Variants in REXO1 observed in about 807,000 individuals in gnomAD.
The protein encoded by REXO1 is REX1, RNA exonuclease 1 homolog.
Under a neutral mutation model 102.6 loss-of-function variants are expected in REXO1, and 42 were observed. The observed-to-expected ratio is 0.41, with a 90% CI of 0.32 to 0.53. The LOEUF (loss-of-function observed/expected upper bound fraction) is 0.53. Among genes scored for constraint, REXO1 ranks in the 20% least tolerant of loss-of-function variants. REXO1 has a pLI of 0.27. For synonymous variants in REXO1, 908 were observed against 779.1 expected (o/e 1.17, Z -2.76); for missense variants, 1,819 against 1,732.5 (o/e 1.05, Z -0.89).
Position 1,817,759 on chromosome 19 carries a change from TG to T in REXO1, c.3037del (p.Gln1013SerfsTer33). ...GGCGGCAGCCGAGCAGCACATGTACTGGGTCTCCCAGCCTCCGGCCACTGCA... is the reference window on the plus strand; with the variant it reads ...GGCGGCAGCCGAGCAGCACATGTACTGGTCTCCCAGCCTCCGGCCACTGCA... ...RNRVAGGWETQYMCCSAAAGS... is the reference protein window; with the variant it reads ...RNRVAGGWETXYMCCSAAAGS... On this transcript the variant is annotated frameshift_variant, in exon 11 of 16. Transcript: ENST00000170168. LOFTEE classifies it high-confidence loss of function. 1 of 1,612,312 alleles carries T rather than the reference TG, an allele frequency of 6.2e-7. No individual in the cohort carries two copies.
rs749364854 is a variant in REXO1, at chr19:1,828,470, G to A, written c.319C>T (p.Arg107Trp). 2.9e-5 allele frequency: 47 copies of A among 1,606,362 alleles called. No individual in the cohort carries two copies. Among genetic ancestry groups the A allele is most frequent in the Non-Finnish European group, 3.5e-5 (41 of 1,179,726 alleles). ...AVRSEVELEQ[R>W]RYRELLETTR... ...GTCTCCAGCAGCTCCCGGTAGCGCC[G>A]CTGCTCCAGCTCCACCTCACTGCGC... The change falls in exon 2 of 16, where the codon CGG becomes TGG. Residue 107 changes from arginine (R) to tryptophan (W), a missense_variant. Arg to Trp is a moderately radical substitution (Grantham distance 101, BLOSUM62 -3). Coordinates refer to ENST00000170168, the MANE Select transcript of REXO1 (RefSeq NM_020695.4).
Position 1,828,363 on chromosome 19 carries a change from CTCGTCCGGGCCCACAGTG to C in REXO1, c.408_425del (p.Thr137_Glu142del), listed in dbSNP as rs770875004. 2.5e-6 allele frequency: 4 copies of C among 1,609,326 alleles called. No homozygotes were observed. The South Asian group carries it at 4.4e-5, about 18-fold the overall frequency. On this transcript the variant is annotated inframe_deletion, in exon 2 of 16. Transcript: ENST00000170168. ...AGTCGAAGGCCAGTGGGAAGGCATC[CTCGTCCGGGCCCACAGTG>C]GGGCTGGCGTTGGGGCCGCGGGGCG... is the stretch of plus-strand genomic sequence containing the variant.
rs1454452825 is a variant in REXO1 at position 1,826,084 on chromosome 19, G to C, written c.1912-141C>G. The C allele has an allele frequency of 1.6e-6, 1 of 633,566 alleles. No individual in the cohort carries two copies. The highest frequency in any genetic ancestry group is 2.8e-5 in the East Asian group (1 of 35,870). 39.2% of individuals were successfully genotyped at this position (633,566 alleles called of 1,614,324 possible). A position where few individuals can be genotyped will look rare whatever the true frequency, so the allele number is the denominator to read the frequency against. On this transcript the variant is annotated intron_variant, in intron 2 of 15. Transcript: ENST00000170168. This position sits in a 1 kb window ranked among gnomAD's most constrained non-coding sequence, Gnocchi z 4.3. Reference sequence around the variant, plus strand: ...AGCAGCTGAGGGCTCAGGGCCAACAGTCCCTGGGCTTTGTGTGGGTGCAGT... The same window carrying C: ...AGCAGCTGAGGGCTCAGGGCCAACACTCCCTGGGCTTTGTGTGGGTGCAGT...
chr19:1,820,743 A>G (rs1045726802), intron 5 of REXO1, among the ~76,000 whole-genome samples: 5 of 152,248 alleles, frequency 3.3e-5, no homozygotes, highest in South Asian at 2.1e-4. Context: ...CTATAATCCC[A>G]GCACTTTGGG....
chr19:1,818,196 T>G (rs1011086330), intron 10 of REXO1, among the ~76,000 whole-genome samples: 2 of 152,148 alleles, frequency 1.3e-5, no homozygotes, highest in Non-Finnish European at 2.9e-5. Context: ...ACCTCCACAT[T>G]TCCATGGACC....
At chr19:1,835,314 C>T (rs893363651) in intron 1 of REXO1, among the ~76,000 whole-genome samples, 33 of 151,994 alleles carry the variant, frequency 2.2e-4, no homozygotes, top group African/African-American at 7.3e-4. Flanking sequence ...GAGGCGGAGG[C>T]GGGAGGATCA....
intron 1 of REXO1, 133 bp downstream of exon 1, chr19:1,848,069 C>A (rs2011635006): frequency 4.7e-6 from 2 of 427,940 alleles, no homozygotes; most frequent in Non-Finnish European, 3.9e-6. Flanking sequence ...CCGGTCCCGA[C>A]TGGGAAAACC....
chr19:1,832,263 T>C (rs1007284559), intron 1 of REXO1, among the ~76,000 whole-genome samples: 1 of 152,220 alleles, frequency 6.6e-6, no homozygotes, highest in Admixed American at 6.5e-5. Context: ...GGCCCAGTCC[T>C]GCCCACAGCT....
Position 1,827,340 on chromosome 19 carries a change from C to T in REXO1, c.1449G>A (p.Lys483=), listed in dbSNP as rs757742726. 1.3e-6 allele frequency: 2 copies of T among 1,552,898 alleles called. No individual in the cohort carries two copies. The highest frequency in any genetic ancestry group is 2.4e-5 in the East Asian group (1 of 42,050). The part of the protein sequence containing the change: ...PPRPLQLPDR[K]STKAPSGKLV... ...GCTTCCCCGACGGGGCCTTGGTGCT[C>T]TTCCTGTCGGGCAGCTGGAGGGGGC... Residue 483 remains lysine (K), a synonymous_variant, in exon 2 of 16, where the codon AAG becomes AAA. Coordinates refer to ENST00000170168, the MANE Select transcript of REXO1 (RefSeq NM_020695.4).
chr19:1,845,187 C>T (rs755228063), intron 1 of REXO1, among the ~76,000 whole-genome samples: 1 of 152,220 alleles, frequency 6.6e-6, no homozygotes, highest in Non-Finnish European at 1.5e-5. Context: ...AGCCAAGGCC[C>T]AGGCAGCAGA....
chr19:1,831,902 G>T (rs1380460168), intron 1 of REXO1, among the ~76,000 whole-genome samples: 1 of 149,438 alleles, frequency 6.7e-6, no homozygotes, highest in Non-Finnish European at 1.5e-5. Flanking sequence ...GAAATGGCTG[G>T]TTTCCCAAGC....
intron 7 of REXO1, 131 bp downstream of exon 7, chr19:1,819,803 C>T: frequency 9.8e-7 from 1 of 1,015,580 alleles, no homozygotes; most frequent in Non-Finnish European, 1.4e-6. Flanking sequence ...AGCCCCCCCA[C>T]AGCACCGCGC....
intron 4 of REXO1, chr19:1,822,993 G>A (rs990765319): frequency 1.3e-5 from 2 of 152,472 alleles, no homozygotes; most frequent in African/African-American, 4.8e-5. Context: ...CCTGCCTCCA[G>A]GGATACTTTC....
chr19:1,828,014 G>A lies in REXO1; in HGVS notation c.775C>T (p.Pro259Ser). Residue 259 changes from proline (P) to serine (S), a missense_variant, in exon 2 of 16, where the codon CCC becomes TCC. Coordinates refer to ENST00000170168, the MANE Select transcript of REXO1 (RefSeq NM_020695.4). Reference protein sequence around the residue: ...SSRDERAAKRPRGSRGSEPYT... With the variant: ...SSRDERAAKRSRGSRGSEPYT... ...GGCTCACTGCCGCGGGAGCCCCGGG[G>A]CCGCTTGGCGGCCCGCTCATCCCGG... 3 of 1,612,660 alleles carry A rather than the reference G, an allele frequency of 1.9e-6. No individual in the cohort carries two copies. The highest frequency in any genetic ancestry group is 8.5e-7 in the Non-Finnish European group (1 of 1,179,528).
intron 1 of REXO1, among the ~76,000 whole-genome samples, chr19:1,847,699 A>C (rs1609761): frequency 0.3 from 45,197 of 152,132 alleles, 7,396 homozygotes; most frequent in African/African-American, 0.43. Context: ...CTCGACAAAC[A>C]CAAGAGACGA....
rs570131087 is a variant in REXO1 at position 1,816,924 on chromosome 19, G to A, written c.3202-111C>T. ...CCTCCAGGCAGAGGCAGTGACCAGA[G>A]ACTCTGTGGGACTTCTAGGAGAGGC... On this transcript the variant is annotated intron_variant, in intron 12 of 15. Coordinates refer to ENST00000170168, the MANE Select transcript of REXO1 (RefSeq NM_020695.4). The A allele has an allele frequency of 3.5e-4, 292 of 824,502 alleles. 7 individuals carry two copies. The South Asian group carries it at 4.3e-3, about 12-fold the overall frequency. 51.1% of individuals were successfully genotyped at this position (824,502 alleles called of 1,614,324 possible).
Position 1,816,296 on chromosome 19 carries a change from A to G in REXO1, c.3506T>C (p.Leu1169Pro). ...VDTSVLFPHR[L>P]GLPYKRSLRN... Reference sequence around the variant, plus strand: ...CAGGGACCGCTTGTAGGGGAGGCCCAGGCGGTGGGGGAAGAGCACAGACGT... The same window carrying G: ...CAGGGACCGCTTGTAGGGGAGGCCCGGGCGGTGGGGGAAGAGCACAGACGT... Residue 1169 changes from leucine (L) to proline (P), a missense_variant, in exon 15 of 16, where the codon CTG becomes CCG. Coordinates refer to ENST00000170168, the MANE Select transcript of REXO1 (RefSeq NM_020695.4). 1 of 1,588,926 alleles carries G rather than the reference A, an allele frequency of 6.3e-7. No individual in the cohort carries two copies. The highest frequency in any genetic ancestry group is 8.6e-7 in the Non-Finnish European group (1 of 1,168,184).
chr19:1,832,091 A>G (rs1018761580), intron 1 of REXO1, among the ~76,000 whole-genome samples: 5 of 152,148 alleles, frequency 3.3e-5, no homozygotes, highest in Non-Finnish European at 5.9e-5. Context: ...CAGTGTCCTC[A>G]CAGGGTCCTT....
In REXO1 at chr19:1,826,855, G is replaced by T; in HGVS notation, c.1911+23C>A. 6.4e-7 allele frequency: 1 copy of T among 1,559,070 alleles called. No individual in the cohort carries two copies. On this transcript the variant is annotated intron_variant, in intron 2 of 15. Transcript: ENST00000170168. This position sits in a 1 kb window ranked among gnomAD's most constrained non-coding sequence, Gnocchi z 4.3. ...TCGGCTCTGCCTCTGCCCGAGCCCAGCCCCAGCACCCGCGCGCCTCACCTG... is the reference window on the plus strand; with the variant it reads ...TCGGCTCTGCCTCTGCCCGAGCCCATCCCCAGCACCCGCGCGCCTCACCTG...
Sources: allele counts gnomAD v4.1 joint callset (sites outside exome capture counted in the v4.1 genomes callset), GRCh38; gene constraint gnomAD v4.1.1; non-coding constraint Gnocchi (gnomAD v3.1); transcripts MANE v1.5; gene names NCBI Gene and HGNC (gene_info 2026-07-23, HGNC 2026-07-21).